CNOT8: variants seen among roughly 807,000 people sequenced by gnomAD.
The protein encoded by CNOT8 is CCR4-NOT transcription complex subunit 8.
Under a neutral mutation model 34.6 loss-of-function variants are expected in CNOT8, and 18 were observed. That is an observed-to-expected ratio of 0.52 (90% CI 0.36 to 0.77). The LOEUF is 0.77. Among genes scored for constraint, CNOT8 ranks in the 30% least tolerant of loss-of-function variants. The pLI is 0.00. For missense variants in CNOT8, 189 were observed against 347.9 expected, an observed-to-expected ratio of 0.54 and a Z score of 3.63; for synonymous variants, 101 against 118.8, an observed-to-expected ratio of 0.85 and a Z score of 0.98.
chr5:154,869,061 G>A (rs932698306), intron 3 of CNOT8, among the ~76,000 whole-genome samples: 3 of 152,160 alleles, frequency 2.0e-5, no homozygotes, highest in African/African-American at 7.2e-5. Context: ...TCAGCTGGAA[G>A]GCGCGTCAGG....
intron 3 of CNOT8, among the ~76,000 whole-genome samples, chr5:154,870,218 T>G (rs926012155): frequency 3.2e-4 from 48 of 150,464 alleles, no homozygotes; most frequent in Admixed American, 1.3e-3. Context: ...TAATCTTTGT[T>G]TGTGTGTGTG....
At position 154,863,222 on chromosome 5, in the gene CNOT8, G is replaced by A; in HGVS notation, c.-57G>A. 8.4e-7 allele frequency: 1 copy of A among 1,185,208 alleles called. No individual in the cohort carries two copies. The highest frequency in any genetic ancestry group is 1.9e-4 in the Middle Eastern group (1 of 5,256). The allele number at this position is 1,185,208 out of a possible 1,614,324, so 73.4% of individuals were successfully genotyped here. On this transcript the variant is annotated 5_prime_UTR_variant, in exon 2 of 7. Transcript: ENST00000285896. ...TACAATCTAGATCAGACCAAACATT[G>A]TCTGGCTTGCACTGTAAAACTAGTT...
chr5:154,870,524 AAG>A, intron 3 of CNOT8, 135 bp from the exon 4 acceptor site: 2 of 597,046 alleles, frequency 3.3e-6, no homozygotes, highest in Non-Finnish European at 5.7e-6. Flanking sequence ...GAATGTTGGA[AAG>A]AGTGAATTGA....
Position 154,870,653 on chromosome 5 carries a change from T to C in CNOT8, c.312-8T>C, listed in dbSNP as rs1222186478. The C allele has an allele frequency of 1.9e-6, 3 of 1,607,644 alleles. No homozygotes were observed. The highest frequency in any genetic ancestry group is 2.7e-5 in the African/African-American group (2 of 74,676). On this transcript the variant is annotated splice_region_variant and splice_polypyrimidine_tract_variant and intron_variant, in intron 3 of 6. Coordinates refer to ENST00000285896, the MANE Select transcript of CNOT8 (RefSeq NM_001301073.2). ...CACCAGTTAATAAATAAACACCTTG[T>C]TTTTTAGAGAGGACATGTACTCCCA... is the stretch of plus-strand genomic sequence containing the variant.
intron 1 of CNOT8, 117 bp from the exon 2 acceptor site, chr5:154,863,090 T>C (rs1336832951): frequency 5.7e-6 from 3 of 524,726 alleles, no homozygotes; most frequent in African/African-American, 1.9e-5. Flanking sequence ...AGAATAAATA[T>C]AATCTTAATG....
chr5:154,863,337 T>C lies in CNOT8; in HGVS notation c.59T>C (p.Leu20Pro). 6.2e-7 allele frequency: 1 copy of C among 1,614,166 alleles called. No individual in the cohort carries two copies. Among genetic ancestry groups the C allele is most frequent in the Non-Finnish European group, 8.5e-7 (1 of 1,179,994 alleles). ...QVICEVWASN[L>P]EEEMRKIREI... is the part of the protein sequence containing the mutation. The stretch of plus-strand genomic sequence containing the variant: ...ATCTGTGAAGTGTGGGCCAGTAATC[T>C]AGAAGAAGAGATGAGGAAGATCCGA... The change falls in exon 2 of 7, where the codon CTA (leucine) becomes CCA (proline). Residue 20 changes from leucine to proline, a missense_variant. Leu to Pro is a moderately conservative substitution (Grantham distance 98). Transcript: ENST00000285896.
At chr5:154,867,424 G>A (rs113318727) in intron 3 of CNOT8, among the ~76,000 whole-genome samples, 3 of 152,170 alleles carry the variant, frequency 2.0e-5, no homozygotes, top group Admixed American at 2.0e-4. Context: ...TGTATACCAA[G>A]TAATAACATG....
chr5:154,875,741 A>G lies in CNOT8; in HGVS notation c.*302A>G. On this transcript the variant is annotated 3_prime_UTR_variant, in exon 7 of 7. Coordinates refer to ENST00000285896, the MANE Select transcript of CNOT8 (RefSeq NM_001301073.2). ...ATTTGACACCTTTTTAAATATCAGG[A>G]CAAGTCTGAAACAAAGTAGTAAAAT... 3 of 264,244 alleles carry G rather than the reference A, an allele frequency of 1.1e-5. No individual in the cohort carries two copies. In the East Asian group the frequency reaches 2.5e-4, roughly 22 times the overall value. 16.4% of individuals were successfully genotyped at this position (264,244 alleles called of 1,614,324 possible).
rs759958959 is a variant in CNOT8, at chr5:154,871,774, G to A, written c.518G>A (p.Arg173His). ...GYMVKLLTDS[R>H]LPEEEHEFFH... is the part of the protein sequence containing the mutation. ...ATGGTAAAGTTGCTTACAGATTCTCGTTTGCCAGAAGAGGAACATGAATTC... is the reference window on the plus strand; with the variant it reads ...ATGGTAAAGTTGCTTACAGATTCTCATTTGCCAGAAGAGGAACATGAATTC... The change falls in exon 5 of 7, where the codon CGT becomes CAT. Residue 173 changes from arginine to histidine, a missense_variant. Physicochemically the swap from Arg to His is conservative, Grantham distance 29. Around this residue, in one of 2 missense-constraint regions of CNOT8, gnomAD observed 160 missense variants for 321.9 expected, o/e 0.50. Transcript: ENST00000285896. 1.7e-5 allele frequency: 28 copies of A among 1,613,670 alleles called. No homozygotes were observed. Among genetic ancestry groups the A allele is most frequent in the African/African-American group, 1.3e-4 (10 of 74,834 alleles).
rs1220776869 is a variant in CNOT8 at position 154,876,286 on chromosome 5, G to A, written c.*847G>A. The A allele has an allele frequency of 2.6e-5, 4 of 152,184 alleles. No homozygotes were observed. The highest frequency in any genetic ancestry group is 9.7e-5 in the African/African-American group (4 of 41,436). 9.4% of individuals were successfully genotyped at this position (152,184 alleles called of 1,614,324 possible). On this transcript the variant is annotated 3_prime_UTR_variant, in exon 7 of 7. Coordinates refer to ENST00000285896, the MANE Select transcript of CNOT8 (RefSeq NM_001301073.2). ...TTGGGTCATGTCTGTTGTATTTTCAGTAATGTGATTTCAGATGGTCATCTG... is the reference window on the plus strand; with the variant it reads ...TTGGGTCATGTCTGTTGTATTTTCAATAATGTGATTTCAGATGGTCATCTG...
At chr5:154,867,213 A>G (rs1315458701) in intron 3 of CNOT8, among the ~76,000 whole-genome samples, 7 of 152,196 alleles carry the variant, frequency 4.6e-5, no homozygotes, top group Non-Finnish European at 1.0e-4. Context: ...GTGGAATATT[A>G]TGACAGTGTT....
Position 154,871,707 on chromosome 5 carries a change from C to T in CNOT8, c.474-23C>T, listed in dbSNP as rs201785454. The T allele has an allele frequency of 1.2e-3, 1,977 of 1,610,216 alleles. 3 individuals carry two copies. The highest frequency in any genetic ancestry group is 1.4e-3 in the Non-Finnish European group (1,642 of 1,177,924). On this transcript the variant is annotated intron_variant, in intron 4 of 6. Transcript: ENST00000285896. ...GCCTGATAACCACTGCTTTTTTAAC[C>T]TCTGTGGTTTATTCTCTTGTAGTGG...
chr5:154,863,163 T>C (rs1277025500), intron 1 of CNOT8, 44 bp from the exon 2 acceptor site: 2 of 716,688 alleles, frequency 2.8e-6, no homozygotes, highest in Non-Finnish European at 2.5e-6. Context: ...TGACATCTTA[T>C]GTGTGTGTAA....
At chr5:154,871,107 A>C (rs1762444267) in intron 4 of CNOT8, among the ~76,000 whole-genome samples, 1 of 152,164 alleles carries the variant, frequency 6.6e-6, no homozygotes, top group Non-Finnish European at 1.5e-5. Context: ...GTTATCTTTT[A>C]AATGGCTGTC....
chr5:154,870,416 C>T, intron 3 of CNOT8: 1 of 263,426 alleles, frequency 3.8e-6, no homozygotes, highest in Admixed American at 5.4e-5. Context: ...AAATAATGAG[C>T]AAATGTATAC....
chr5:154,870,884 A>G, intron 4 of CNOT8, 62 bp downstream of exon 4: 1 of 1,441,878 alleles, frequency 6.9e-7, no homozygotes. Context: ...AGGGAATTGA[A>G]TTCTTAGTCA....
At position 154,861,853 on chromosome 5, in the gene CNOT8, C is replaced by T. The variant is rs543982439; in HGVS notation, c.-72-1354C>T. On this transcript the variant is annotated intron_variant, in intron 1 of 6. Coordinates refer to ENST00000285896, the MANE Select transcript of CNOT8 (RefSeq NM_001301073.2). ...AGCTGGGACTGCAGGCGCGTGCCACCACAGCCAGCCAACGTTTTGTATTTT... is the reference window on the plus strand; with the variant it reads ...AGCTGGGACTGCAGGCGCGTGCCACTACAGCCAGCCAACGTTTTGTATTTT... Among the ~76,000 whole-genome samples, 15 of 152,332 alleles carry T rather than the reference C, an allele frequency of 9.8e-5. No homozygotes were observed. In the South Asian group the frequency reaches 2.9e-3, roughly 29 times the overall value.
intron 3 of CNOT8, among the ~76,000 whole-genome samples, chr5:154,869,989 C>A (rs1762316269): frequency 6.6e-6 from 1 of 152,128 alleles, no homozygotes; most frequent in Non-Finnish European, 1.5e-5. Flanking sequence ...AACTCTGGGC[C>A]TCAAGTGATC....
At chr5:154,869,805 A>T (rs1762291808) in intron 3 of CNOT8, among the ~76,000 whole-genome samples, 2 of 151,072 alleles carry the variant, frequency 1.3e-5, no homozygotes, top group South Asian at 4.2e-4. Context: ...TTGTGTTTTT[A>T]GTAGAGAGAG....
Sources: gnomAD v4.1 joint callset for allele counts (sites outside exome capture counted in the v4.1 genomes callset) on GRCh38, gnomAD v4.1.1 for gene constraint, gnomAD v4.1.1 regional missense constraint, MANE v1.5 for transcripts, NCBI Gene and HGNC (gene_info 2026-07-23, HGNC 2026-07-21) for gene names.